The following ZNF263 variants were observed in gnomAD, a reference collection of about 807,000 sequenced individuals.
ZNF263 encodes the protein zinc finger protein FPM315.
Under a neutral mutation model 63.1 loss-of-function variants are expected in ZNF263, and 49 were observed. The observed-to-expected ratio is 0.78, with a 90% CI of 0.62 to 0.99. The LOEUF (loss-of-function observed/expected upper bound fraction) is 0.99, where lower values mean the gene tolerates loss of function less well. ZNF263 is among the 50% of genes least tolerant of loss of function. The pLI is 0.00. For synonymous variants in ZNF263, 352 were observed against 324.2 expected, an observed-to-expected ratio of 1.09 and a Z score of -0.92; for missense variants, 872 against 854.8, an observed-to-expected ratio of 1.02 and a Z score of -0.25.
At position 3,290,047 on chromosome 16, in the gene ZNF263, G is replaced by C; in HGVS notation, c.1541G>C (p.Gly514Ala). 6.2e-7 allele frequency: 1 copy of C among 1,614,136 alleles called. No individual in the cohort carries two copies. The highest frequency in any genetic ancestry group is 8.5e-7 in the Non-Finnish European group (1 of 1,180,030). ...NLLRHQRIHT[G>A]ERPYKCPECG... Reference sequence around the variant, plus strand: ...CTTCGGCACCAGAGAATTCACACTGGAGAGCGACCTTATAAGTGTCCCGAG... The same window carrying C: ...CTTCGGCACCAGAGAATTCACACTGCAGAGCGACCTTATAAGTGTCCCGAG... Residue 514 changes from glycine to alanine, a missense_variant, in exon 6 of 6, where the codon GGA becomes GCA. By Grantham distance (60) the Gly-to-Ala change is moderately conservative. Coordinates refer to ENST00000219069, the MANE Select transcript of ZNF263 (RefSeq NM_005741.5).
chr16:3,299,872 A>G, intron 2 of ZNF263: 1 of 1,599,922 alleles, frequency 6.3e-7, no homozygotes, highest in East Asian at 2.2e-5. Context: ...GGGTTTATAT[A>G]TCACAGGCAA....
intron 4 of ZNF263, chr16:3,286,443 A>C: frequency 4.2e-6 from 1 of 238,992 alleles, no homozygotes; most frequent in East Asian, 9.6e-5. Flanking sequence ...CATCACACAC[A>C]TGCAGTATTC....
At chr16:3,284,324 C>T in intron 1 of ZNF263, 119 bp downstream of exon 1, 1 of 1,370,440 alleles carries the variant, frequency 7.3e-7, no homozygotes, top group Non-Finnish European at 9.5e-7. Context: ...GGGAAGAGGA[C>T]TTGTGATTTA....
At chr16:3,286,905 T>G (rs1959379449) in intron 4 of ZNF263, 1 of 152,154 alleles carries the variant, frequency 6.6e-6, no homozygotes, top group African/African-American at 2.4e-5. Flanking sequence ...GTGTACATTA[T>G]GATTATACCT....
downstream of ZNF263, chr16:3,291,557 T>TA (rs1402877429): frequency 1.1e-6 from 1 of 943,762 alleles, no homozygotes; most frequent in Non-Finnish European, 1.3e-6. Flanking sequence ...CTCATAGACT[T>TA]ACTGGGTTGG....
intron 3 of ZNF263, 118 bp from the exon 4 acceptor site, chr16:3,285,905 A>G: frequency 6.4e-7 from 1 of 1,569,452 alleles, no homozygotes; most frequent in African/African-American, 1.4e-5. Context: ...GAGGCCTGAT[A>G]CCCTTCTTCC....
chr16:3,300,381 ACCATATTTGGCT>A, intron 2 of ZNF263: 1 of 1,614,146 alleles, frequency 6.2e-7, no homozygotes, highest in Non-Finnish European at 8.5e-7. Context: ...CATCTACATC[ACCATATTTGGCT>A]CCCGTTGTCC....
At chr16:3,293,371 A>G (rs748618880), downstream of ZNF263, 9 of 152,226 alleles carry the variant, frequency 5.9e-5, no homozygotes, top group Non-Finnish European at 1.3e-4. Flanking sequence ...AGCCACACAG[A>G]ACTGAGTCAA....
At chr16:3,298,096 T>A (rs1216821429) in intron 1 of ZNF263, among the ~76,000 whole-genome samples, 1 of 152,196 alleles carries the variant, frequency 6.6e-6, no homozygotes, top group South Asian at 2.1e-4. Context: ...CATCCCCTGG[T>A]GGAGTATTAA....
chr16:3,295,149 C>T (rs1364267057), downstream of ZNF263, among the ~76,000 whole-genome samples: 1 of 152,326 alleles, frequency 6.6e-6, no homozygotes, highest in East Asian at 1.9e-4. Context: ...AAGCAGACGC[C>T]TCCTGCTCCG....
At chr16:3,295,042 G>A (rs1237327543), downstream of ZNF263, among the ~76,000 whole-genome samples, 3 of 152,142 alleles carry the variant, frequency 2.0e-5, no homozygotes, top group African/African-American at 7.2e-5. Context: ...TCCAGCCCCA[G>A]CACCCGGCGC....
In ZNF263 at chr16:3,284,221, A is replaced by C. The variant is rs1959256554; in HGVS notation, c.387+16A>C. 2.7e-6 allele frequency: 4 copies of C among 1,506,412 alleles called. No homozygotes were observed. Among genetic ancestry groups the C allele is most frequent in the South Asian group, 1.3e-5 (1 of 74,470 alleles). 93.3% of individuals were successfully genotyped at this position (1,506,412 alleles called of 1,614,324 possible). On this transcript the variant is annotated intron_variant, in intron 1 of 5. Coordinates refer to ENST00000219069, the MANE Select transcript of ZNF263 (RefSeq NM_005741.5). Reference sequence around the variant, plus strand: ...GAGACAACAGGTGAGAGAGAGAGAGAGCTGTTTTATCTGTGGTTTGTTTAG... The same window carrying C: ...GAGACAACAGGTGAGAGAGAGAGAGCGCTGTTTTATCTGTGGTTTGTTTAG...
downstream of ZNF263, among the ~76,000 whole-genome samples, chr16:3,295,668 TC>T (rs893180754): frequency 1.3e-5 from 2 of 152,214 alleles, no homozygotes; most frequent in African/African-American, 4.8e-5. Context: ...AGCCCGAGGC[TC>T]CCCTTTTTGT....
intron 4 of ZNF263, among the ~76,000 whole-genome samples, chr16:3,287,191 A>T (rs1255888201): frequency 6.6e-6 from 1 of 152,066 alleles, no homozygotes; most frequent in Non-Finnish European, 1.5e-5. Context: ...GCTCACTGCA[A>T]CCTCTGCCTC....
At chr16:3,285,353 C>G (rs753738148) in intron 2 of ZNF263, 114 bp downstream of exon 2, 1 of 1,245,426 alleles carries the variant, frequency 8.0e-7, no homozygotes, top group South Asian at 1.5e-5. Flanking sequence ...AGATCAGGTT[C>G]TCACCTGTGG....
chr16:3,294,180 C>G (rs2076223891), downstream of ZNF263, among the ~76,000 whole-genome samples: 1 of 152,250 alleles, frequency 6.6e-6, no homozygotes, highest in Admixed American at 6.5e-5. Flanking sequence ...CCGCCTCGGC[C>G]TCCCAAAGTG....
chr16:3,293,042 G>C (rs1237619651), downstream of ZNF263: 1 of 152,248 alleles, frequency 6.6e-6, no homozygotes, highest in East Asian at 1.9e-4. Flanking sequence ...ATGTTTGAGA[G>C]AGTAGGTCTG....
chr16:3,284,189 G>A lies in ZNF263; in HGVS notation c.371G>A (p.Gly124Glu), dbSNP rs1168580437. ...GTGGAGGATATGCAGAGAGAGCTTGGGAGACTGAGACAACAGGTGAGAGAG... is the reference window on the plus strand; with the variant it reads ...GTGGAGGATATGCAGAGAGAGCTTGAGAGACTGAGACAACAGGTGAGAGAG... The part of the protein sequence containing the change: ...TLVEDMQREL[G>E]RLRQQVTNHG... The change falls in exon 1 of 6, where the codon GGG becomes GAG. Residue 124 changes from glycine (G) to glutamate (E), a missense_variant. Coordinates refer to ENST00000219069, the MANE Select transcript of ZNF263 (RefSeq NM_005741.5). 4.5e-6 allele frequency: 7 copies of A among 1,544,258 alleles called. No individual in the cohort carries two copies. Among genetic ancestry groups the A allele is most frequent in the South Asian group, 2.5e-5 (2 of 81,376 alleles).
chr16:3,285,991 C>T, intron 3 of ZNF263, 32 bp from the exon 4 acceptor site: 1 of 1,613,858 alleles, frequency 6.2e-7, no homozygotes, highest in Non-Finnish European at 8.5e-7. Context: ...CTTGGTGCAT[C>T]AGGGGCTAAA....
Sources: allele counts gnomAD v4.1 joint callset (sites outside exome capture counted in the v4.1 genomes callset), GRCh38; gene constraint gnomAD v4.1.1; transcripts MANE v1.5; gene names NCBI Gene and HGNC (gene_info 2026-07-23, HGNC 2026-07-21).